Variants in DCAF12 observed in about 807,000 individuals in gnomAD.
DCAF12 encodes the protein DDB1 and CUL4 associated factor 12.
DCAF12 carries 28 observed loss-of-function variants against 52.8 expected under a neutral mutation model. The ratio of observed to expected loss-of-function variants is 0.53; its 90% CI spans 0.39 to 0.73. The LOEUF (loss-of-function observed/expected upper bound fraction) is 0.73. Among genes scored for constraint, DCAF12 ranks in the 30% least tolerant of loss-of-function variants. The pLI is 0.00. For missense variants in DCAF12, 425 were observed against 552.2 expected (o/e 0.77, Z 2.31); for synonymous variants, 196 against 215.5 (o/e 0.91, Z 0.79).
chr9:34,122,649 T>C (rs1440771659), intron 2 of DCAF12, among the ~76,000 whole-genome samples: 1 of 152,014 alleles, frequency 6.6e-6, no homozygotes, highest in African/African-American at 2.4e-5. Flanking sequence ...GCTAATTTGT[T>C]TGTACTTCTG....
intron 2 of DCAF12, among the ~76,000 whole-genome samples, chr9:34,108,822 T>TATATAC (rs1414396849): frequency 6.8e-6 from 1 of 146,936 alleles, no homozygotes; most frequent in South Asian, 2.1e-4. Context: ...AATATATATA[T>TATATAC]ATATATATGA....
chr9:34,121,285 A>G (rs1404303034), intron 2 of DCAF12, among the ~76,000 whole-genome samples: 1 of 152,226 alleles, frequency 6.6e-6, no homozygotes, highest in African/African-American at 2.4e-5. Context: ...CTCCTGCTAG[A>G]TAAGATTAAG....
intron 2 of DCAF12, among the ~76,000 whole-genome samples, chr9:34,115,855 ACATAAGC>A (rs1361994088): frequency 6.6e-6 from 1 of 152,148 alleles, no homozygotes; most frequent in Non-Finnish European, 1.5e-5. Flanking sequence ...GGGATTACAG[ACATAAGC>A]CATCAAGCCT....
At chr9:34,119,533 C>T (rs1264534231) in intron 2 of DCAF12, among the ~76,000 whole-genome samples, 1 of 152,160 alleles carries the variant, frequency 6.6e-6, no homozygotes, top group Non-Finnish European at 1.5e-5. Context: ...CCAGATTTAT[C>T]ACTATTTACT....
In DCAF12 at chr9:34,098,342, G is replaced by T; in HGVS notation, c.777C>A (p.Ala259=). Residue 259 remains alanine, a synonymous_variant, in exon 5 of 9, where the codon GCC becomes GCA. Transcript: ENST00000361264. The part of the protein sequence containing the change: ...NPDNCKVRAL[A]FNNKNKELGA... ...TTCATACCTTGTTCTTGTTGTTGAA[G>T]GCCAGAGCCCGAACCTTGCAGTTGT... The T allele has an allele frequency of 1.2e-6, 2 of 1,614,058 alleles. No homozygotes were observed. Among genetic ancestry groups the T allele is most frequent in the Non-Finnish European group, 1.7e-6 (2 of 1,179,984 alleles).
At chr9:34,117,376 T>A (rs1208037208) in intron 2 of DCAF12, among the ~76,000 whole-genome samples, 1 of 151,640 alleles carries the variant, frequency 6.6e-6, no homozygotes, top group African/African-American at 2.4e-5. Context: ...GGTCTTGATC[T>A]CCTCACCTCG....
chr9:34,095,970 TAAA>T (rs1262982376), intron 6 of DCAF12: 1 of 152,114 alleles, frequency 6.6e-6, no homozygotes, highest in Non-Finnish European at 1.5e-5. Context: ...TCTTACTCTT[TAAA>T]AGACTTTCCT....
At position 34,092,708 on chromosome 9, in the gene DCAF12, A is replaced by AC. The variant is rs201121166; in HGVS notation, c.1024+577_1024+578insG. Among the ~76,000 whole-genome samples, 873 of 151,634 alleles carry AC rather than the reference A, an allele frequency of 5.8e-3. 4 individuals carry two copies. The highest frequency in any genetic ancestry group is 0.02 in the African/African-American group (827 of 41,404). ...TCAAAAAAAAAAAACAACAACAACA[A>AC]AAAAAAAGTAGAGCTTTCTAAAAGA... On this transcript the variant is annotated intron_variant, in intron 7 of 8. Coordinates refer to ENST00000361264, the MANE Select transcript of DCAF12 (RefSeq NM_015397.4).
chr9:34,089,516 T>A lies in DCAF12; in HGVS notation c.1099A>T (p.Ile367Phe), dbSNP rs139198427. 1.1e-5 allele frequency: 17 copies of A among 1,614,152 alleles called. No individual in the cohort carries two copies. In the African/African-American group the frequency reaches 2.3e-4, roughly 22 times the overall value. The change falls in exon 8 of 9, where the codon ATC becomes TTC. Residue 367 changes from isoleucine (I) to phenylalanine (F), a missense_variant. Ile to Phe is a conservative substitution (Grantham distance 21). Transcript: ENST00000361264. Reference protein sequence around the residue: ...TGQGSLLFYDIRAQRFLEERL... With the variant: ...TGQGSLLFYDFRAQRFLEERL... ...TCTTCCAGAAATCTCTGAGCTCGGA[T>A]GTCATAGAACAGCAGGGAGCCCTGC...
At chr9:34,121,218 C>T (rs1829169962) in intron 2 of DCAF12, among the ~76,000 whole-genome samples, 1 of 152,100 alleles carries the variant, frequency 6.6e-6, no homozygotes, top group Admixed American at 6.6e-5. Flanking sequence ...GATCAAACAT[C>T]CCCTTAACCT....
intron 4 of DCAF12, among the ~76,000 whole-genome samples, chr9:34,098,774 A>AT (rs1365047367): frequency 5.9e-5 from 9 of 151,952 alleles, no homozygotes; most frequent in South Asian, 4.2e-4. Flanking sequence ...ATTTATTATT[A>AT]TTATTTTTTT....
At chr9:34,119,294 T>C (rs1829135950) in intron 2 of DCAF12, among the ~76,000 whole-genome samples, 1 of 152,208 alleles carries the variant, frequency 6.6e-6, no homozygotes, top group Non-Finnish European at 1.5e-5. Context: ...CGATACTTTA[T>C]CAACAATACA....
At chr9:34,102,038 G>A (rs1330985814) in intron 4 of DCAF12, among the ~76,000 whole-genome samples, 5 of 150,454 alleles carry the variant, frequency 3.3e-5, no homozygotes, top group Non-Finnish European at 7.4e-5. Context: ...AGATAATAAT[G>A]ACGACTATTC....
chr9:34,125,937 G>A (rs1329851378), intron 1 of DCAF12, among the ~76,000 whole-genome samples: 2 of 152,138 alleles, frequency 1.3e-5, no homozygotes, highest in Non-Finnish European at 2.9e-5. Flanking sequence ...GCTCAGGGTT[G>A]GGTATACATA....
In DCAF12 at chr9:34,088,300, G is replaced by A. The variant is rs755013488; in HGVS notation, c.*50C>T. ...GAAAAAAAAAATCAAAAGAAACAAG[G>A]AAACTGAGAATGGAAGTTAGTGTAA... On this transcript the variant is annotated 3_prime_UTR_variant, in exon 9 of 9. Coordinates refer to ENST00000361264, the MANE Select transcript of DCAF12 (RefSeq NM_015397.4). The A allele has an allele frequency of 4.7e-6, 7 of 1,488,278 alleles. No individual in the cohort carries two copies. Among genetic ancestry groups the A allele is most frequent in the Non-Finnish European group, 5.4e-6 (6 of 1,121,224 alleles). The allele number at this position is 1,488,278 out of a possible 1,614,324, so 92.2% of individuals were successfully genotyped here.
chr9:34,120,018 C>T (rs1829146661), intron 2 of DCAF12, among the ~76,000 whole-genome samples: 1 of 151,600 alleles, frequency 6.6e-6, no homozygotes, highest in South Asian at 2.1e-4. Flanking sequence ...TACTGGCCAA[C>T]ATGGTGAACC....
chr9:34,116,590 G>A (rs940139138), intron 2 of DCAF12, among the ~76,000 whole-genome samples: 3 of 152,022 alleles, frequency 2.0e-5, no homozygotes, highest in African/African-American at 7.2e-5. Flanking sequence ...CAGGAGAATC[G>A]CCTGAACTCA....
chr9:34,106,492 A>C lies in DCAF12; in HGVS notation c.543T>G (p.Asp181Glu), dbSNP rs151311642. ...TGGAAAAGATCCAGTCCTTGTGTCC[A>C]TCCTTGGAGAGCAGGGAGTAACAGG... ...PTLDPVCVGD[D>E]GHKDWIFSIA... is the part of the protein sequence containing the mutation. Residue 181 changes from aspartate to glutamate, a missense_variant and splice_region_variant, in exon 4 of 9, where the codon GAT (aspartate) becomes GAG (glutamate). Asp to Glu is a conservative substitution (Grantham distance 45). Coordinates refer to ENST00000361264, the MANE Select transcript of DCAF12 (RefSeq NM_015397.4). 116 of 1,610,036 alleles carry C rather than the reference A, an allele frequency of 7.2e-5. 1 individual carries two copies. The African/African-American group carries it at 1.3e-3, about 18-fold the overall frequency.
chr9:34,100,794 C>T (rs1828816657), intron 4 of DCAF12, among the ~76,000 whole-genome samples: 1 of 146,276 alleles, frequency 6.8e-6, no homozygotes, highest in South Asian at 2.2e-4. Flanking sequence ...GCCACCAAGC[C>T]TAGCCTTATT....
Sources: allele counts gnomAD v4.1 joint callset (sites outside exome capture counted in the v4.1 genomes callset), GRCh38; gene constraint gnomAD v4.1.1; transcripts MANE v1.5; gene names NCBI Gene and HGNC (gene_info 2026-07-23, HGNC 2026-07-21).